The following PCDH11X variants were observed in gnomAD, a reference collection of about 807,000 sequenced individuals.
PCDH11X encodes the protein protocadherin 11 X-linked, also known as protocadherin-11 X-linked.
A neutral mutation model predicts 53.3 loss-of-function variants in PCDH11X; 18 were observed. That is an observed-to-expected ratio of 0.34 (90% CI 0.23 to 0.50). The LOEUF (loss-of-function observed/expected upper bound fraction) is 0.50. Ranked by LOEUF, PCDH11X falls within the 20% of genes least tolerant of loss-of-function variation. The pLI is 0.98. For synonymous variants in PCDH11X, 279 were observed against 393.3 expected, an observed-to-expected ratio of 0.71 and a Z score of 3.44; for missense variants, 570 against 1,032.4, an observed-to-expected ratio of 0.55 and a Z score of 6.14.
At chrX:92,036,032 G>T (rs1174738732) in intron 6 of PCDH11X, among the ~76,000 whole-genome samples, 2 of 56,683 alleles carry the variant, frequency 3.5e-5, no homozygotes, top group African/African-American at 1.4e-4. Context: ...AAGTTTATCT[G>T]ATAGAATTCT....
chrX:92,077,623 AG>A (rs2063794963), intron 6 of PCDH11X, among the ~76,000 whole-genome samples: 1 of 14,586 alleles, frequency 6.9e-5, no homozygotes, highest in Non-Finnish European at 1.3e-4. Context: ...GAAGGAAGGG[AG>A]GAAGGAAGGA....
intron 10 of PCDH11X, among the ~76,000 whole-genome samples, chrX:92,616,999 G>A (rs749875923): frequency 1.8e-5 from 2 of 110,716 alleles, no homozygotes; most frequent in East Asian, 5.7e-4. Context: ...TAGATACAGT[G>A]TTGTTTATTT....
In PCDH11X at chrX:91,919,325, A is replaced by T. The variant is rs1341800066; in HGVS notation, c.3033+40052A>T. Among the ~76,000 whole-genome samples the T allele has an allele frequency of 4.5e-5, 5 of 111,753 alleles. No individual in the cohort carries two copies. In the Admixed American group the frequency reaches 4.8e-4, roughly 11 times the overall value. On this transcript the variant is annotated intron_variant, in intron 6 of 10. Transcript: ENST00000682573. ...AGTGTCACACAGAGTCTATAAATTA[A>T]ATTTTAAGTCTCACAAAAGGATTAT...
intron 10 of PCDH11X, among the ~76,000 whole-genome samples, chrX:92,599,820 G>T (rs1262711378): frequency 9.0e-6 from 1 of 111,518 alleles, no homozygotes; most frequent in Non-Finnish European, 1.9e-5. Context: ...CTTGTTGAAT[G>T]GTGTTGACCA....
chrX:92,005,570 G>A (rs1418225938), intron 6 of PCDH11X, among the ~76,000 whole-genome samples: 5 of 111,714 alleles, frequency 4.5e-5, no homozygotes, highest in Admixed American at 1.9e-4. Context: ...GTCTTGAAAA[G>A]TTGTTGTAGT....
intron 9 of PCDH11X, among the ~76,000 whole-genome samples, chrX:92,436,650 G>A (rs1007525284): frequency 3.1e-4 from 35 of 111,532 alleles, no homozygotes; most frequent in Non-Finnish European, 6.0e-4. Flanking sequence ...CAAATAATGA[G>A]ATCATGTCCT....
chrX:92,490,796 GAGAA>G (rs1314927783), intron 10 of PCDH11X, among the ~76,000 whole-genome samples: 109 of 108,143 alleles, frequency 1.0e-3, no homozygotes, highest in African/African-American at 3.3e-3. Context: ...AGAAAAGAAA[GAGAA>G]AGAAAGAGAG....
intron 10 of PCDH11X, among the ~76,000 whole-genome samples, chrX:92,578,803 T>C (rs1244310897): frequency 9.5e-6 from 1 of 104,835 alleles, no homozygotes; most frequent in Non-Finnish European, 2.0e-5. Context: ...GCTAGCTAGT[T>C]ATTTTATAGA....
intron 6 of PCDH11X, among the ~76,000 whole-genome samples, chrX:92,074,856 CT>C (rs751037733): frequency 2.7e-5 from 3 of 111,102 alleles, no homozygotes; most frequent in East Asian, 2.8e-4. Context: ...AATTACTTTT[CT>C]TTTTTTTGTT....
At chrX:92,005,186 C>T (rs2062578664) in intron 6 of PCDH11X, among the ~76,000 whole-genome samples, 1 of 111,116 alleles carries the variant, frequency 9.0e-6, no homozygotes, top group Non-Finnish European at 1.9e-5. Flanking sequence ...AGTCTATTTA[C>T]ATTTAATGTT....
chrX:91,816,174 G>C (rs1158723816), intron 4 of PCDH11X, among the ~76,000 whole-genome samples: 1 of 111,129 alleles, frequency 9.0e-6, no homozygotes, highest in African/African-American at 3.3e-5. Flanking sequence ...GCCTATATAA[G>C]TTTGTTTTAT....
At chrX:92,585,784 T>G (rs972077651) in intron 10 of PCDH11X, among the ~76,000 whole-genome samples, 3 of 110,619 alleles carry the variant, frequency 2.7e-5, no homozygotes, top group African/African-American at 9.9e-5. Flanking sequence ...CATAATATCA[T>G]AAAATATAAA....
intron 10 of PCDH11X, among the ~76,000 whole-genome samples, chrX:92,580,267 C>G (rs764083923): frequency 1.8e-5 from 2 of 108,449 alleles, no homozygotes; most frequent in Non-Finnish European, 3.8e-5. Context: ...GCCCCTTGGC[C>G]GAGTAGGTGT....
chrX:92,559,758 T>C (rs1210539503), intron 10 of PCDH11X, among the ~76,000 whole-genome samples: 1 of 110,478 alleles, frequency 9.1e-6, no homozygotes, highest in Non-Finnish European at 1.9e-5. Context: ...GAGGGAGCAT[T>C]TGGACCAGAC....
chrX:92,589,040 CA>C (rs1924725054), intron 10 of PCDH11X, among the ~76,000 whole-genome samples: 1 of 111,234 alleles, frequency 9.0e-6, no homozygotes, highest in Admixed American at 9.6e-5. Flanking sequence ...GGAAACAAAA[CA>C]AAACAACCAA....
chrX:92,276,803 A>G (rs753343378), intron 8 of PCDH11X, among the ~76,000 whole-genome samples: 4 of 111,825 alleles, frequency 3.6e-5, no homozygotes, highest in African/African-American at 1.3e-4. Context: ...TTGACCTTTT[A>G]GGGTCTAGGG....
chrX:92,622,606 A>G lies in PCDH11X; in HGVS notation c.*3666A>G, dbSNP rs936246504. On this transcript the variant is annotated 3_prime_UTR_variant, in exon 11 of 11. Coordinates refer to ENST00000682573, the MANE Select transcript of PCDH11X (RefSeq NM_032968.5). ...AGGTAAACTTTTTATTATGACCATT[A>G]GAAACTATTTTGAATGCTTCCAACT... The G allele has an allele frequency of 8.1e-5, 9 of 111,138 alleles. No individual in the cohort carries two copies. Among genetic ancestry groups the G allele is most frequent in the Non-Finnish European group, 7.6e-5 (4 of 52,933 alleles). 9.2% of individuals were successfully genotyped at this position (111,138 alleles called of 1,213,427 possible).
At chrX:92,199,908 A>G (rs1301132091) in intron 6 of PCDH11X, among the ~76,000 whole-genome samples, 13 of 111,385 alleles carry the variant, frequency 1.2e-4, no homozygotes, top group African/African-American at 4.2e-4. Context: ...ATACAGCATT[A>G]TGTATTTGAC....
intron 10 of PCDH11X, among the ~76,000 whole-genome samples, chrX:92,608,882 T>C (rs1241293069): frequency 9.0e-6 from 1 of 111,065 alleles, no homozygotes; most frequent in Non-Finnish European, 1.9e-5. Context: ...AAAATTTCTT[T>C]GTGCTGCTCT....
Sources: allele counts gnomAD v4.1 joint callset (sites outside exome capture counted in the v4.1 genomes callset), GRCh38; gene constraint gnomAD v4.1.1; transcripts MANE v1.5; gene names NCBI Gene and HGNC (gene_info 2026-07-23, HGNC 2026-07-21).